Variants in CTNND2 observed in about 807,000 individuals in gnomAD.
CTNND2 encodes the protein catenin delta 2.
A neutral mutation model predicts 144.4 loss-of-function variants in CTNND2; 22 were observed. The ratio of observed to expected loss-of-function variants is 0.15; its 90% CI spans 0.11 to 0.22. CTNND2 has a LOEUF of 0.22. Among genes scored for constraint, CTNND2 ranks in the 10% least tolerant of loss-of-function variants. CTNND2 has a pLI of 1.00. For missense variants in CTNND2, 1,353 were observed against 1,618.8 expected (o/e 0.84, Z 2.82); for synonymous variants, 751 against 695.6 (o/e 1.08, Z -1.25).
intron 10 of CTNND2, among the ~76,000 whole-genome samples, chr5:11,205,363 C>T (rs918987230): frequency 3.3e-5 from 5 of 152,150 alleles, no homozygotes; most frequent in South Asian, 2.1e-4. Flanking sequence ...TAAGGGAATG[C>T]GGTGATTTTT....
chr5:11,648,861 G>A (rs971191573), intron 2 of CTNND2, among the ~76,000 whole-genome samples: 6 of 152,056 alleles, frequency 3.9e-5, no homozygotes, highest in African/African-American at 7.2e-5. Flanking sequence ...ATCTTTATGC[G>A]TTACTGTGTA....
chr5:11,205,586 AAC>A (rs1256381286), intron 10 of CTNND2, among the ~76,000 whole-genome samples: 1 of 152,160 alleles, frequency 6.6e-6, no homozygotes, highest in African/African-American at 2.4e-5. Flanking sequence ...CAGTTTGTAA[AAC>A]ACACAATTTA....
chr5:11,665,762 A>C (rs754719074), intron 2 of CTNND2, among the ~76,000 whole-genome samples: 9 of 152,198 alleles, frequency 5.9e-5, no homozygotes, highest in African/African-American at 9.6e-5. Flanking sequence ...CACAGGAAAG[A>C]GAGGCAGTGA....
intron 10 of CTNND2, among the ~76,000 whole-genome samples, chr5:11,210,370 C>G (rs1433136386): frequency 6.6e-6 from 1 of 152,026 alleles, no homozygotes; most frequent in African/African-American, 2.4e-5. Context: ...TGTACTCCAG[C>G]CTGGATGACA....
intron 16 of CTNND2, among the ~76,000 whole-genome samples, chr5:11,071,959 A>G (rs2149613398): frequency 6.6e-6 from 1 of 152,328 alleles, no homozygotes; most frequent in South Asian, 2.1e-4. Flanking sequence ...ACTGGGGTTT[A>G]TGTTCGAATC....
intron 3 of CTNND2, among the ~76,000 whole-genome samples, chr5:11,472,880 AC>A (rs757438501): frequency 6.6e-6 from 1 of 152,106 alleles, no homozygotes; most frequent in Non-Finnish European, 1.5e-5. Context: ...AAGAGGAGAG[AC>A]CTTTACTGAT....
At chr5:11,787,178 T>G (rs1206403311) in intron 1 of CTNND2, among the ~76,000 whole-genome samples, 1 of 152,130 alleles carries the variant, frequency 6.6e-6, no homozygotes, top group Non-Finnish European at 1.5e-5. Flanking sequence ...ACCAATAAAT[T>G]TTCTTAATTT....
intron 21 of CTNND2, 49 bp downstream of exon 21, chr5:10,981,724 A>C (rs1324672584): frequency 1.4e-5 from 21 of 1,500,332 alleles, no homozygotes; most frequent in Non-Finnish European, 1.8e-5. Flanking sequence ...AGGTTATTTC[A>C]CATGAGTCAC....
At chr5:11,226,661 C>T (rs1423137232) in intron 10 of CTNND2, among the ~76,000 whole-genome samples, 1 of 152,202 alleles carries the variant, frequency 6.6e-6, no homozygotes, top group Non-Finnish European at 1.5e-5. Flanking sequence ...ATCACAAGAA[C>T]AGCACAAGAA....
chr5:11,400,211 T>A (rs1247270186), intron 5 of CTNND2, among the ~76,000 whole-genome samples: 1 of 152,102 alleles, frequency 6.6e-6, no homozygotes, highest in Non-Finnish European at 1.5e-5. Context: ...ATGGAATCTA[T>A]GACCTGAAGG....
At chr5:11,136,624 A>G (rs1255097467) in intron 12 of CTNND2, among the ~76,000 whole-genome samples, 1 of 152,236 alleles carries the variant, frequency 6.6e-6, no homozygotes, top group Non-Finnish European at 1.5e-5. Context: ...TCAATCAGGC[A>G]GCATATCAAG....
At chr5:11,390,735 C>T (rs1428267491) in intron 6 of CTNND2, among the ~76,000 whole-genome samples, 2 of 152,216 alleles carry the variant, frequency 1.3e-5, no homozygotes, top group African/African-American at 4.8e-5. Flanking sequence ...ACTGGAGCCC[C>T]GTTTTGTGGC....
chr5:11,363,029 T>C (rs1756624387), intron 8 of CTNND2, among the ~76,000 whole-genome samples: 1 of 152,206 alleles, frequency 6.6e-6, no homozygotes, highest in Admixed American at 6.5e-5. Context: ...TTACAGAACA[T>C]TAATCATCTT....
chr5:11,548,168 A>G (rs1775418242), intron 3 of CTNND2, among the ~76,000 whole-genome samples: 1 of 152,260 alleles, frequency 6.6e-6, no homozygotes, highest in African/African-American at 2.4e-5. Flanking sequence ...GTAAAATTCA[A>G]AATCAGGCAA....
At chr5:11,676,589 G>A (rs1290331015) in intron 2 of CTNND2, among the ~76,000 whole-genome samples, 9 of 147,456 alleles carry the variant, frequency 6.1e-5, no homozygotes, top group African/African-American at 1.5e-4. Flanking sequence ...CAAACGGTTC[G>A]TAAAAAGTTA....
At chr5:11,113,219 G>A (rs1753185350) in intron 13 of CTNND2, among the ~76,000 whole-genome samples, 1 of 152,182 alleles carries the variant, frequency 6.6e-6, no homozygotes, top group African/African-American at 2.4e-5. Flanking sequence ...TAAGCTCACA[G>A]ATACAGCTCT....
chr5:11,808,863 A>G (rs1321945068), intron 1 of CTNND2, among the ~76,000 whole-genome samples: 1 of 152,248 alleles, frequency 6.6e-6, no homozygotes, highest in Admixed American at 6.5e-5. Context: ...AGATATTGAA[A>G]GTGGAAATGA....
intron 14 of CTNND2, among the ~76,000 whole-genome samples, chr5:11,109,735 A>G (rs1053593243): frequency 1.4e-5 from 2 of 144,342 alleles, no homozygotes; most frequent in African/African-American, 4.9e-5. Flanking sequence ...TATTTTTTAA[A>G]GGCCATTTGC....
rs564942964 is a variant in CTNND2 at position 11,082,717 on chromosome 5, C to T, written c.2767G>A (p.Val923Ile). ...ATACCGATGAGCTCCTTATTTCTGACGTCCAAGGCCATGTTCCGCAGCGCA... is the reference window on the plus strand; with the variant it reads ...ATACCGATGAGCTCCTTATTTCTGATGTCCAAGGCCATGTTCCGCAGCGCA... ...ATALRNMALD[V>I]RNKELIGKYA... The change falls in exon 16 of 22, where the codon GTC becomes ATC. Residue 923 changes from valine to isoleucine, a missense_variant. By Grantham distance (29) the Val-to-Ile change is conservative. Around this residue, in one of 4 missense-constraint regions of CTNND2, gnomAD observed 459 missense variants for 674.3 expected, o/e 0.68. Coordinates refer to ENST00000304623, the MANE Select transcript of CTNND2 (RefSeq NM_001332.4). 26 of 1,614,096 alleles carry T rather than the reference C, an allele frequency of 1.6e-5. No homozygotes were observed. The highest frequency in any genetic ancestry group is 9.3e-5 in the African/African-American group (7 of 75,040).
Sources: allele counts gnomAD v4.1 joint callset (sites outside exome capture counted in the v4.1 genomes callset), GRCh38; gene constraint gnomAD v4.1.1; regional missense constraint gnomAD v4.1.1; transcripts MANE v1.5; gene names NCBI Gene and HGNC (gene_info 2026-07-23, HGNC 2026-07-21).